CDH10: variants seen among roughly 807,000 people sequenced by gnomAD.
The protein encoded by CDH10 is cadherin-10.
CDH10 carries 30 observed loss-of-function variants against 73.1 expected under a neutral mutation model. That is an observed-to-expected ratio of 0.41 (90% CI 0.31 to 0.56). CDH10 has a LOEUF of 0.56. CDH10 is among the 20% of genes least tolerant of loss of function. The probability of loss-of-function intolerance (pLI) is 0.27; values close to 1 mark genes in which losing one functional copy is unlikely to be tolerated. For missense variants in CDH10, 815 were observed against 973.7 expected, an observed-to-expected ratio of 0.84 and a Z score of 2.17; for synonymous variants, 345 against 348.2, an observed-to-expected ratio of 0.99 and a Z score of 0.10.
At chr5:24,639,280 AC>A (rs1479191771) in intron 1 of CDH10, among the ~76,000 whole-genome samples, 1 of 151,668 alleles carries the variant, frequency 6.6e-6, no homozygotes, top group East Asian at 1.9e-4. Context: ...AGTTTATTTG[AC>A]TTAATTTTAT....
intron 2 of CDH10, among the ~76,000 whole-genome samples, chr5:24,589,973 G>C (rs868339413): frequency 6.6e-6 from 1 of 151,978 alleles, no homozygotes; most frequent in African/African-American, 2.4e-5. Flanking sequence ...AGAGAGGGGA[G>C]TGAGTATATA....
chr5:24,638,856 A>G (rs940565336), intron 1 of CDH10, among the ~76,000 whole-genome samples: 3 of 151,826 alleles, frequency 2.0e-5, no homozygotes, highest in South Asian at 2.1e-4. Context: ...TTTTACTCCA[A>G]TAGTTTCTTT....
chr5:24,538,938 T>C (rs1744057840), intron 2 of CDH10, among the ~76,000 whole-genome samples: 1 of 152,126 alleles, frequency 6.6e-6, no homozygotes, highest in Non-Finnish European at 1.5e-5. Flanking sequence ...CATTTTTACA[T>C]GCTAGAATCA....
chr5:24,538,641 T>C (rs1382810508), intron 2 of CDH10, among the ~76,000 whole-genome samples: 1 of 152,062 alleles, frequency 6.6e-6, no homozygotes, highest in Non-Finnish European at 1.5e-5. Flanking sequence ...GGAGTACATA[T>C]ACTACTGTAC....
At chr5:24,527,364 T>C (rs1339763388) in intron 5 of CDH10, among the ~76,000 whole-genome samples, 5 of 148,886 alleles carry the variant, frequency 3.4e-5, no homozygotes, top group African/African-American at 1.2e-4. Context: ...TTTATACATA[T>C]ATACACAAAA....
At chr5:24,573,947 C>T (rs576929473) in intron 2 of CDH10, among the ~76,000 whole-genome samples, 1,976 of 150,972 alleles carry the variant, frequency 0.013, 46 homozygotes, top group African/African-American at 0.046. Flanking sequence ...TGCAGTGGCG[C>T]GATCTCCGCT....
chr5:24,540,437 C>T (rs1401106416), intron 2 of CDH10, among the ~76,000 whole-genome samples: 1 of 151,822 alleles, frequency 6.6e-6, no homozygotes, highest in Non-Finnish European at 1.5e-5. Context: ...TAAATCACAG[C>T]AGGATTTATT....
intron 1 of CDH10, among the ~76,000 whole-genome samples, chr5:24,631,689 T>C (rs1276388273): frequency 6.6e-6 from 1 of 152,040 alleles, no homozygotes; most frequent in Non-Finnish European, 1.5e-5. Flanking sequence ...ATTGACAATG[T>C]ACTTACTTTT....
intron 5 of CDH10, among the ~76,000 whole-genome samples, chr5:24,514,731 C>T (rs1450204511): frequency 9.9e-5 from 15 of 152,030 alleles, no homozygotes; most frequent in Admixed American, 9.8e-4. Context: ...CTAAAATCTT[C>T]ATTATTACTA....
chr5:24,493,845 T>G (rs1742159455), intron 9 of CDH10, among the ~76,000 whole-genome samples: 1 of 151,970 alleles, frequency 6.6e-6, no homozygotes, highest in Non-Finnish European at 1.5e-5. Flanking sequence ...GTGTGGATGC[T>G]GGATGAAAAT....
At chr5:24,636,226 C>CCATTT (rs1247790221) in intron 1 of CDH10, among the ~76,000 whole-genome samples, 1 of 151,816 alleles carries the variant, frequency 6.6e-6, no homozygotes, top group Admixed American at 6.6e-5. Context: ...ATTATTAACC[C>CCATTT]CATTTTACAG....
In CDH10 at chr5:24,597,970, G is replaced by A. The variant is rs114707290; in HGVS notation, c.-123-4357C>T. ...ATATATATTATTTATAAGAGTAATC[G>A]AAAATGCTAAAGATTATAGATATAA... On this transcript the variant is annotated intron_variant, in intron 1 of 11. Transcript: ENST00000264463. 8.3e-3 allele frequency among the ~76,000 whole-genome samples: 1,255 copies of A among 151,718 alleles called. 6 individuals carry two copies. The highest frequency in any genetic ancestry group is 0.012 in the Non-Finnish European group (804 of 67,850).
At chr5:24,640,533 GA>G (rs70965623) in intron 1 of CDH10, among the ~76,000 whole-genome samples, 34,073 of 143,506 alleles carry the variant, frequency 0.24, 4,261 homozygotes, top group African/African-American at 0.35. Flanking sequence ...CTACTTTCTT[GA>G]AAAAAAAAAA....
At chr5:24,595,109 G>A (rs576491870) in intron 1 of CDH10, among the ~76,000 whole-genome samples, 1 of 149,030 alleles carries the variant, frequency 6.7e-6, no homozygotes, top group East Asian at 1.9e-4. Context: ...ATTTTGTTTT[G>A]TGTGTGTGTG....
chr5:24,621,976 A>G (rs1399607352), intron 1 of CDH10, among the ~76,000 whole-genome samples: 1 of 152,018 alleles, frequency 6.6e-6, no homozygotes, highest in Non-Finnish European at 1.5e-5. Context: ...GAACGAAAGA[A>G]GATGAGGTTA....
chr5:24,520,489 C>A (rs1165162349), intron 5 of CDH10, among the ~76,000 whole-genome samples: 1 of 152,142 alleles, frequency 6.6e-6, no homozygotes, highest in Non-Finnish European at 1.5e-5. Context: ...GTTACATACA[C>A]ATACACCTCC....
At position 24,574,332 on chromosome 5, in the gene CDH10, A is replaced by G. The variant is rs563834730; in HGVS notation, c.231+18928T>C. 1.4e-3 allele frequency among the ~76,000 whole-genome samples: 214 copies of G among 152,238 alleles called. 1 individual carries two copies. Among genetic ancestry groups the G allele is most frequent in the African/African-American group, 4.8e-3 (201 of 41,514 alleles). ...TTGATCACTGCGTATCTATTATTCA[A>G]TTCATTTACAGATACTTAAATGTGT... is the stretch of plus-strand genomic sequence containing the variant. On this transcript the variant is annotated intron_variant, in intron 2 of 11. Transcript: ENST00000264463.
rs146356032 is a variant in CDH10, at chr5:24,638,797, T to A, written c.-124+5797A>T. ...TATTATAGTTGACTAAGCTAATAGA[T>A]AATCATTGGATAATCAGCTTCTTAT... On this transcript the variant is annotated intron_variant, in intron 1 of 11. Transcript: ENST00000264463. Among the ~76,000 whole-genome samples the A allele has an allele frequency of 6.4e-3, 978 of 151,976 alleles. 11 individuals are homozygous for A. Among genetic ancestry groups the A allele is most frequent in the African/African-American group, 0.022 (922 of 41,526 alleles).
At chr5:24,575,070 T>C (rs1312107234) in intron 2 of CDH10, among the ~76,000 whole-genome samples, 3 of 152,214 alleles carry the variant, frequency 2.0e-5, no homozygotes, top group Middle Eastern at 6.8e-3. Context: ...AAATGTCTCC[T>C]GCTGGTCCAG....
Sources: allele counts gnomAD v4.1 joint callset (sites outside exome capture counted in the v4.1 genomes callset), GRCh38; gene constraint gnomAD v4.1.1; transcripts MANE v1.5; gene names NCBI Gene and HGNC (gene_info 2026-07-23, HGNC 2026-07-21).